The following TGFB2 variants were observed in gnomAD, a reference collection of about 807,000 sequenced individuals.
TGFB2 encodes transforming growth factor beta 2.
In TGFB2, 13 loss-of-function variants were observed where a neutral mutation model predicts 42.7. The observed-to-expected ratio is 0.30, with a 90% confidence interval of 0.20 to 0.48. The LOEUF is 0.48. Among genes scored for constraint, TGFB2 ranks in the 20% least tolerant of loss-of-function variants. The probability of loss-of-function intolerance (pLI) is 0.99; values close to 1 mark genes in which losing one functional copy is unlikely to be tolerated. For synonymous variants in TGFB2, 193 were observed against 193.6 expected, an observed-to-expected ratio of 1.00 and a Z score of 0.03; for missense variants, 390 against 517.5, an observed-to-expected ratio of 0.75 and a Z score of 2.39.
In TGFB2 at chr1:218,443,054, TAA is replaced by T. The variant is rs1660208381; in HGVS notation, c.*1693_*1694del. On this transcript the variant is annotated 3_prime_UTR_variant, in exon 7 of 7. Transcript: ENST00000366930. ...AAGGGGAAAAAAGTCCAGGTCAGCA[TAA>T]GTCATTTTGTGTATTTCACTGAAGT... The T allele has an allele frequency of 1.3e-5, 2 of 152,232 alleles. No homozygotes were observed. Among genetic ancestry groups the T allele is most frequent in the South Asian group, 4.1e-4 (2 of 4,834 alleles). 9.4% of individuals were successfully genotyped at this position (152,232 alleles called of 1,614,324 possible).
At position 218,422,318 on chromosome 1, in the gene TGFB2, A is replaced by G. The variant is rs557324200; in HGVS notation, c.511-11764A>G. Reference sequence around the variant, plus strand: ...CTGCAGCCTCAACCTCCCAGGCTCAACAGATCCTCCTGCCCCAGCCTTTTG... The same window carrying G: ...CTGCAGCCTCAACCTCCCAGGCTCAGCAGATCCTCCTGCCCCAGCCTTTTG... On this transcript the variant is annotated intron_variant, in intron 2 of 6. Transcript: ENST00000366930. Among the ~76,000 whole-genome samples, 7 of 152,080 alleles carry G rather than the reference A, an allele frequency of 4.6e-5. No homozygotes were observed. In the South Asian group the frequency reaches 1.5e-3, roughly 32 times the overall value.
At chr1:218,356,539 T>G (rs373956305) in intron 1 of TGFB2, among the ~76,000 whole-genome samples, 1 of 152,222 alleles carries the variant, frequency 6.6e-6, no homozygotes, top group Non-Finnish European at 1.5e-5. Flanking sequence ...ATTTAAACTA[T>G]TTGAACTGAT....
intron 1 of TGFB2, among the ~76,000 whole-genome samples, chr1:218,364,275 G>A (rs375945433): frequency 7.9e-5 from 12 of 152,286 alleles, no homozygotes; most frequent in African/African-American, 2.6e-4. Context: ...CCTGACCCTC[G>A]GAGCAGGTGC....
rs2799096 is a variant in TGFB2, at chr1:218,351,596, T to C, written c.346+4549T>C. ...ACGAAAGCAGTTGGGTCGTCTTTGT[T>C]GCCAAGTGAGGCCAGCCAGCTTTAT... On this transcript the variant is annotated intron_variant, in intron 1 of 6. Coordinates refer to ENST00000366930, the MANE Select transcript of TGFB2 (RefSeq NM_003238.6). 4.7e-3 allele frequency among the ~76,000 whole-genome samples: 722 copies of C among 152,282 alleles called. 2 individuals carry two copies. Among genetic ancestry groups the C allele is most frequent in the African/African-American group, 0.017 (691 of 41,566 alleles).
intron 2 of TGFB2, among the ~76,000 whole-genome samples, chr1:218,406,285 G>A (rs1305998432): frequency 6.6e-6 from 1 of 151,914 alleles, no homozygotes; most frequent in African/African-American, 2.4e-5. Context: ...GGAGTTGGTG[G>A]GCAGCTGCGT....
intron 4 of TGFB2, 98 bp from the exon 5 acceptor site, chr1:218,435,872 A>C (rs1215743925): frequency 8.2e-7 from 1 of 1,220,698 alleles, no homozygotes; most frequent in African/African-American, 1.5e-5. Flanking sequence ...GGTGGTCATC[A>C]CTGCTATTTG....
intron 1 of TGFB2, among the ~76,000 whole-genome samples, chr1:218,381,083 C>T (rs968637987): frequency 3.3e-5 from 5 of 152,146 alleles, no homozygotes; most frequent in Non-Finnish European, 7.3e-5. Context: ...AATGACAGTG[C>T]ATCAAGCCGA....
chr1:218,428,835 A>G (rs1167171414), intron 2 of TGFB2, among the ~76,000 whole-genome samples: 2 of 152,098 alleles, frequency 1.3e-5, no homozygotes, highest in Admixed American at 6.6e-5. Context: ...TTTTGGTTCC[A>G]TATGAACTTT....
intron 1 of TGFB2, among the ~76,000 whole-genome samples, chr1:218,371,217 C>A (rs549380327): frequency 7.2e-5 from 11 of 152,154 alleles, no homozygotes; most frequent in Admixed American, 2.0e-4. Context: ...GGGAGGGTCA[C>A]TTGATCCCGG....
At chr1:218,410,270 T>C (rs1210714798) in intron 2 of TGFB2, among the ~76,000 whole-genome samples, 1 of 152,232 alleles carries the variant, frequency 6.6e-6, no homozygotes, top group Non-Finnish European at 1.5e-5. Flanking sequence ...ATAACAATTC[T>C]ATACATGAGT....
In TGFB2 at chr1:218,409,089, G is replaced by A. The variant is rs147734839; in HGVS notation, c.510+3757G>A. ...CTTGCTCCTTTGAGAATCTAATGCC[G>A]CCGCTAATCTGACAGGAGGTGGAGC... On this transcript the variant is annotated intron_variant, in intron 2 of 6. Transcript: ENST00000366930. Among the ~76,000 whole-genome samples, 1,449 of 152,164 alleles carry A rather than the reference G, an allele frequency of 9.5e-3. 28 individuals are homozygous for A. The highest frequency in any genetic ancestry group is 0.033 in the African/African-American group (1,369 of 41,508).
rs778961900 is a variant in TGFB2 at position 218,436,025 on chromosome 1, T to C, written c.810T>C (p.Thr270=). 2 of 1,613,982 alleles carry C rather than the reference T, an allele frequency of 1.2e-6. No homozygotes were observed. The highest frequency in any genetic ancestry group is 3.3e-5 in the Admixed American group (2 of 60,016). Residue 270 remains threonine (T), a synonymous_variant, in exon 5 of 7, where the codon ACT becomes ACC. Coordinates refer to ENST00000366930, the MANE Select transcript of TGFB2 (RefSeq NM_003238.6). ...TSGDQKTIKS[T]RKKNSGKTPH... is the part of the protein sequence containing the mutation. ...GTGATCAGAAAACTATAAAGTCCACTAGGAAAAAAAACAGTGGGAAGACCC... is the reference window on the plus strand; with the variant it reads ...GTGATCAGAAAACTATAAAGTCCACCAGGAAAAAAAACAGTGGGAAGACCC...
At chr1:218,357,068 C>T (rs530603275) in intron 1 of TGFB2, among the ~76,000 whole-genome samples, 6 of 151,814 alleles carry the variant, frequency 4.0e-5, no homozygotes, top group Non-Finnish European at 8.8e-5. Context: ...AAAAATTAGC[C>T]GGGCATGGTG....
At chr1:218,429,673 T>A (rs1335855253) in intron 2 of TGFB2, among the ~76,000 whole-genome samples, 2 of 152,358 alleles carry the variant, frequency 1.3e-5, no homozygotes, top group East Asian at 1.9e-4. Flanking sequence ...ACTAGCAAAC[T>A]GTTTTCCAAA....
At chr1:218,427,989 G>A (rs1170345671) in intron 2 of TGFB2, among the ~76,000 whole-genome samples, 1 of 152,142 alleles carries the variant, frequency 6.6e-6, no homozygotes, top group African/African-American at 2.4e-5. Context: ...ATCCTCTCCA[G>A]CACCTGTTGT....
chr1:218,394,593 C>T (rs1304373537), intron 1 of TGFB2, among the ~76,000 whole-genome samples: 1 of 152,112 alleles, frequency 6.6e-6, no homozygotes, highest in African/African-American at 2.4e-5. Context: ...TTAGACTCAC[C>T]ATTGCCAACA....
chr1:218,384,379 A>G (rs1374750480), intron 1 of TGFB2, among the ~76,000 whole-genome samples: 1 of 152,212 alleles, frequency 6.6e-6, no homozygotes, highest in Non-Finnish European at 1.5e-5. Context: ...TTCCTATACT[A>G]TTATGTGTTA....
At chr1:218,424,792 G>A (rs1175118289) in intron 2 of TGFB2, among the ~76,000 whole-genome samples, 3 of 152,192 alleles carry the variant, frequency 2.0e-5, no homozygotes, top group Non-Finnish European at 4.4e-5. Flanking sequence ...ATGTGTTGTG[G>A]CTGCTGCCAA....
chr1:218,360,895 C>T (rs1402638241), intron 1 of TGFB2, among the ~76,000 whole-genome samples: 9 of 152,132 alleles, frequency 5.9e-5, no homozygotes, highest in Admixed American at 5.9e-4. Flanking sequence ...CACTGTGTCA[C>T]CCAGGCTGGA....
Sources: gnomAD v4.1 joint callset for allele counts (sites outside exome capture counted in the v4.1 genomes callset) on GRCh38, gnomAD v4.1.1 for gene constraint, MANE v1.5 for transcripts, NCBI Gene and HGNC (gene_info 2026-07-23, HGNC 2026-07-21) for gene names.